Variants in DLG2 observed in about 807,000 individuals in gnomAD.
The protein encoded by DLG2 is disks large homolog 2.
A neutral mutation model predicts 132.5 loss-of-function variants in DLG2; 45 were observed. The observed-to-expected ratio is 0.34, with a 90% CI of 0.27 to 0.44. The LOEUF is 0.44. Among genes scored for constraint, DLG2 ranks in the 20% least tolerant of loss-of-function variants. The probability of loss-of-function intolerance (pLI) is 1.00; values close to 1 mark genes in which losing one functional copy is unlikely to be tolerated. For synonymous variants in DLG2, 424 were observed against 419.6 expected, an observed-to-expected ratio of 1.01 and a Z score of -0.13; for missense variants, 1,045 against 1,196.9, an observed-to-expected ratio of 0.87 and a Z score of 1.87.
At chr11:85,425,572 A>G (rs955616448) in intron 3 of DLG2, among the ~76,000 whole-genome samples, 2 of 152,218 alleles carry the variant, frequency 1.3e-5, no homozygotes, top group African/African-American at 4.8e-5. Context: ...AAGAATCATA[A>G]AAGTACCTGT....
chr11:84,018,834 A>G (rs2154074669), intron 11 of DLG2, among the ~76,000 whole-genome samples: 1 of 152,124 alleles, frequency 6.6e-6, no homozygotes, highest in East Asian at 1.9e-4. Flanking sequence ...GAAGACTGAA[A>G]AGACAAATTA....
chr11:84,018,061 C>T (rs2095268534), intron 11 of DLG2, among the ~76,000 whole-genome samples: 1 of 151,802 alleles, frequency 6.6e-6, no homozygotes. Flanking sequence ...CTGTTTGAAA[C>T]TTCTTGGATC....
At chr11:84,986,448 AAAACC>A (rs2056502540) in intron 6 of DLG2, among the ~76,000 whole-genome samples, 1 of 152,176 alleles carries the variant, frequency 6.6e-6, no homozygotes, top group Non-Finnish European at 1.5e-5. Context: ...CCCTAATACC[AAAACC>A]AGGAAAGGAC....
intron 3 of DLG2, among the ~76,000 whole-genome samples, chr11:85,567,327 C>A (rs2077585175): frequency 6.6e-6 from 1 of 152,062 alleles, no homozygotes; most frequent in Non-Finnish European, 1.5e-5. Context: ...TTATTTAGGT[C>A]TTTTTCATTT....
chr11:84,064,178 T>A (rs2096635981), intron 10 of DLG2, among the ~76,000 whole-genome samples: 1 of 152,076 alleles, frequency 6.6e-6, no homozygotes, highest in African/African-American at 2.4e-5. Flanking sequence ...TTTTACGCAT[T>A]TTTAAGTATG....
chr11:84,755,721 C>A (rs1239865665), intron 6 of DLG2, among the ~76,000 whole-genome samples: 1 of 152,214 alleles, frequency 6.6e-6, no homozygotes, highest in Non-Finnish European at 1.5e-5. Context: ...CCGCGCCTGG[C>A]CCAGTGTGTC....
At chr11:85,158,032 C>A (rs1383971859) in intron 4 of DLG2, among the ~76,000 whole-genome samples, 2 of 152,048 alleles carry the variant, frequency 1.3e-5, no homozygotes, top group African/African-American at 4.8e-5. Flanking sequence ...TCAGGAGCCA[C>A]CCCCAACAGC....
intron 15 of DLG2, among the ~76,000 whole-genome samples, chr11:83,875,176 G>A (rs2064447463): frequency 6.6e-6 from 1 of 152,012 alleles, no homozygotes; most frequent in South Asian, 2.1e-4. Flanking sequence ...TGAAAAATGA[G>A]ACTTCCAGCT....
chr11:84,386,425 G>C (rs1470922352), intron 7 of DLG2, among the ~76,000 whole-genome samples: 1 of 151,828 alleles, frequency 6.6e-6, no homozygotes, highest in East Asian at 1.9e-4. Flanking sequence ...TTCAATATTT[G>C]ACAGTCTTCC....
At chr11:84,052,091 G>A (rs1459496753) in intron 11 of DLG2, among the ~76,000 whole-genome samples, 1 of 151,690 alleles carries the variant, frequency 6.6e-6, no homozygotes, top group African/African-American at 2.4e-5. Context: ...TTCTGCACAT[G>A]GCATACCCTG....
intron 17 of DLG2, among the ~76,000 whole-genome samples, chr11:83,811,878 C>T (rs1447391152): frequency 6.6e-6 from 1 of 152,024 alleles, no homozygotes; most frequent in East Asian, 1.9e-4. Flanking sequence ...AGAAAGAGAG[C>T]CCTATTTTTT....
intron 6 of DLG2, among the ~76,000 whole-genome samples, chr11:84,809,589 TA>T (rs1248417761): frequency 6.6e-6 from 1 of 151,934 alleles, no homozygotes; most frequent in Non-Finnish European, 1.5e-5. Context: ...GGTAACACTA[TA>T]AAAGCATACA....
intron 18 of DLG2, among the ~76,000 whole-genome samples, chr11:83,738,243 C>G (rs1372704382): frequency 6.6e-6 from 1 of 152,162 alleles, no homozygotes; most frequent in African/African-American, 2.4e-5. Context: ...TTTACCCAAA[C>G]CCACATCAGC....
At chr11:83,732,705 A>G (rs988174345) in intron 18 of DLG2, among the ~76,000 whole-genome samples, 5 of 152,242 alleles carry the variant, frequency 3.3e-5, no homozygotes, top group Non-Finnish European at 7.3e-5. Flanking sequence ...AAATAAAAGG[A>G]AAGCTTAATG....
intron 18 of DLG2, among the ~76,000 whole-genome samples, chr11:83,700,949 A>G (rs2082822222): frequency 6.6e-6 from 1 of 152,242 alleles, no homozygotes; most frequent in African/African-American, 2.4e-5. Flanking sequence ...CTGACAAAAT[A>G]AAGACTAATT....
At chr11:84,358,581 A>C (rs1031408493) in intron 7 of DLG2, among the ~76,000 whole-genome samples, 2 of 151,806 alleles carry the variant, frequency 1.3e-5, no homozygotes, top group Admixed American at 6.6e-5. Flanking sequence ...TATTTGGAAA[A>C]ATAACTCTAT....
chr11:84,937,151 T>G (rs1206660469), intron 6 of DLG2, among the ~76,000 whole-genome samples: 1 of 152,060 alleles, frequency 6.6e-6, no homozygotes, highest in Non-Finnish European at 1.5e-5. Flanking sequence ...AACTCCCTCT[T>G]TAAATAAAAC....
intron 3 of DLG2, among the ~76,000 whole-genome samples, chr11:85,323,155 T>C (rs2081198069): frequency 6.6e-6 from 1 of 152,162 alleles, no homozygotes; most frequent in Non-Finnish European, 1.5e-5. Flanking sequence ...AGGAAACCTT[T>C]CTCTCTCTCT....
intron 4 of DLG2, among the ~76,000 whole-genome samples, chr11:85,192,469 GA>G (rs2080672433): frequency 6.6e-6 from 1 of 152,158 alleles, no homozygotes; most frequent in Admixed American, 6.5e-5. Context: ...ACCATAGGGG[GA>G]GTGCCTGATT....
Sources: allele counts gnomAD v4.1 joint callset (sites outside exome capture counted in the v4.1 genomes callset), GRCh38; gene constraint gnomAD v4.1.1; transcripts MANE v1.5; gene names NCBI Gene and HGNC (gene_info 2026-07-23, HGNC 2026-07-21).